UBLCP1: variants seen among roughly 807,000 people sequenced by gnomAD.
The protein encoded by UBLCP1 is ubiquitin like domain containing CTD phosphatase 1, also known as ubiquitin-like domain-containing CTD phosphatase 1.
UBLCP1 carries 28 observed loss-of-function variants against 42.4 expected under a neutral mutation model. The ratio of observed to expected loss-of-function variants is 0.66; its 90% CI spans 0.49 to 0.90. The LOEUF is 0.90. Ranked by LOEUF, UBLCP1 falls within the 40% of genes least tolerant of loss-of-function variation. UBLCP1 has a pLI of 0.00. For synonymous variants in UBLCP1, 122 were observed against 120.8 expected, an observed-to-expected ratio of 1.01 and a Z score of -0.07; for missense variants, 279 against 374.5, an observed-to-expected ratio of 0.75 and a Z score of 2.10.
intron 9 of UBLCP1, among the ~76,000 whole-genome samples, chr5:159,281,463 A>G (rs1462282470): frequency 6.6e-6 from 1 of 152,140 alleles, no homozygotes; most frequent in Non-Finnish European, 1.5e-5. Flanking sequence ...CAGCCCCCAC[A>G]TTCACTGCTG....
intron 9 of UBLCP1, among the ~76,000 whole-genome samples, chr5:159,278,859 A>G (rs891468489): frequency 6.6e-6 from 1 of 152,162 alleles, no homozygotes; most frequent in Non-Finnish European, 1.5e-5. Context: ...GGCATGAGCC[A>G]CTGCGCCCGG....
intron 1 of UBLCP1, among the ~76,000 whole-genome samples, chr5:159,265,112 G>A (rs548389215): frequency 3.9e-5 from 6 of 152,250 alleles, no homozygotes; most frequent in Admixed American, 2.6e-4. Context: ...AGAACACATT[G>A]TAAACATAGG....
At chr5:159,264,465 C>T in intron 1 of UBLCP1, among the ~76,000 whole-genome samples, 1 of 152,220 alleles carries the variant, frequency 6.6e-6, no homozygotes, top group Non-Finnish European at 1.5e-5. Flanking sequence ...TTAAACAAAT[C>T]TTAAAGACAT....
At chr5:159,265,398 G>A (rs539420022) in intron 1 of UBLCP1, among the ~76,000 whole-genome samples, 1 of 152,216 alleles carries the variant, frequency 6.6e-6, no homozygotes, top group Non-Finnish European at 1.5e-5. Flanking sequence ...GGAGGAATGA[G>A]TTTAATGAAA....
In UBLCP1 at chr5:159,272,241, A is replaced by C. The variant is rs533831242; in HGVS notation, c.547+120A>C. 25 of 797,660 alleles carry C rather than the reference A, an allele frequency of 3.1e-5. No homozygotes were observed. In the South Asian group the frequency reaches 4.7e-4, roughly 15 times the overall value. The allele number at this position is 797,660 out of a possible 1,614,324, so 49.4% of individuals were successfully genotyped here. ...AAATATGAAATAGTTTTCATTTTTT[A>C]GCAAATTTCTAAAATGAAGCATGTA... On this transcript the variant is annotated intron_variant, in intron 6 of 10. Transcript: ENST00000296786.
intron 6 of UBLCP1, among the ~76,000 whole-genome samples, chr5:159,272,616 TC>T (rs1398037940): frequency 1.3e-5 from 2 of 152,208 alleles, no homozygotes; most frequent in African/African-American, 4.8e-5. Context: ...TCTCCTTTTT[TC>T]CTGACTCCAG....
chr5:159,275,818 C>T (rs549353093), intron 8 of UBLCP1, among the ~76,000 whole-genome samples: 2 of 152,202 alleles, frequency 1.3e-5, no homozygotes, highest in African/African-American at 2.4e-5. Context: ...GATGACAGCA[C>T]AATGTTACTG....
At chr5:159,265,969 C>T (rs189709356) in intron 1 of UBLCP1, among the ~76,000 whole-genome samples, 209 of 152,286 alleles carry the variant, frequency 1.4e-3, no homozygotes, top group African/African-American at 4.8e-3. Flanking sequence ...CAGGCATGAG[C>T]CACTGTGGCC....
At chr5:159,278,483 T>C (rs1375790168) in intron 9 of UBLCP1, 129 bp downstream of exon 9, 10 of 725,872 alleles carry the variant, frequency 1.4e-5, no homozygotes, top group Non-Finnish European at 2.5e-5. Flanking sequence ...GCGAGAAAAG[T>C]TTAAGAATAA....
chr5:159,267,958 T>G (rs550394537), intron 1 of UBLCP1, among the ~76,000 whole-genome samples: 1 of 152,330 alleles, frequency 6.6e-6, no homozygotes, highest in East Asian at 1.9e-4. Context: ...ACTAATACAC[T>G]GATCTTTGAT....
At position 159,275,201 on chromosome 5, in the gene UBLCP1, T is replaced by C. The variant is rs1326873742; in HGVS notation, c.639T>C (p.Ser213=). ...ATAAGATTACTTTCATGTTGGATAG[T>C]GCTGCTATGATAACAGTACATACTC... ...ANYKITFMLD[S]AAMITVHTPR... is the part of the protein sequence containing the mutation. The change falls in exon 8 of 11, where the codon AGT becomes AGC. Residue 213 remains serine (S), a synonymous_variant. Coordinates refer to ENST00000296786, the MANE Select transcript of UBLCP1 (RefSeq NM_145049.5). 3.1e-6 allele frequency: 5 copies of C among 1,613,294 alleles called. No homozygotes were observed. The highest frequency in any genetic ancestry group is 1.1e-5 in the South Asian group (1 of 91,066).
At chr5:159,273,834 T>TCACACACACA (rs34999232) in intron 6 of UBLCP1, among the ~76,000 whole-genome samples, 73 of 148,686 alleles carry the variant, frequency 4.9e-4, no homozygotes, top group East Asian at 3.4e-3. Context: ...CTTTTAAAAA[T>TCACACACACA]CACACACACA....
chr5:159,263,741 C>T (rs1254363282), intron 1 of UBLCP1, among the ~76,000 whole-genome samples: 2 of 152,262 alleles, frequency 1.3e-5, no homozygotes, highest in Non-Finnish European at 2.9e-5. Context: ...GCCCCCGACC[C>T]TGCACCACCT....
chr5:159,270,938 G>T, intron 5 of UBLCP1, among the ~76,000 whole-genome samples: 1 of 142,896 alleles, frequency 7.0e-6, no homozygotes. Flanking sequence ...CATCTTCTCA[G>T]TAAAATATTG....
chr5:159,278,099 A>C (rs1753559153), intron 8 of UBLCP1, 139 bp from the exon 9 acceptor site: 2 of 594,388 alleles, frequency 3.4e-6, no homozygotes, highest in South Asian at 4.3e-5. Flanking sequence ...GGTTGCATTT[A>C]ATGATTAGCT....
At chr5:159,270,699 C>A in intron 5 of UBLCP1, 56 bp downstream of exon 5, 4 of 1,096,778 alleles carry the variant, frequency 3.6e-6, no homozygotes, top group South Asian at 4.0e-5. Context: ...CTCTTTTTTT[C>A]TTTTCTTTGT....
Position 159,284,906 on chromosome 5 carries a change from ATCTC to A in UBLCP1, c.935_938del (p.Leu312GlnfsTer143). ...CATCTTTATTTTATTTCTTGCAGAT[ATCTC>A]TCAAAGAAGCAAGGACAGTAGTTAC... is the stretch of plus-strand genomic sequence containing the variant. On this transcript the variant is annotated frameshift_variant, in exon 11 of 11. Coordinates refer to ENST00000296786, the MANE Select transcript of UBLCP1 (RefSeq NM_145049.5). LOFTEE classifies it high-confidence loss of function. 2 of 1,613,106 alleles carry A rather than the reference ATCTC, an allele frequency of 1.2e-6. No homozygotes were observed. The highest frequency in any genetic ancestry group is 1.7e-6 in the Non-Finnish European group (2 of 1,179,454).
At chr5:159,268,514 A>G (rs1012440023) in intron 1 of UBLCP1, among the ~76,000 whole-genome samples, 4 of 152,214 alleles carry the variant, frequency 2.6e-5, no homozygotes, top group African/African-American at 9.6e-5. Context: ...ACTACACCAC[A>G]CTACCTTTCA....
chr5:159,270,366 G>A lies in UBLCP1; in HGVS notation c.253G>A (p.Val85Ile). 1 of 1,612,770 alleles carries A rather than the reference G, an allele frequency of 6.2e-7. No individual in the cohort carries two copies. The highest frequency in any genetic ancestry group is 8.5e-7 in the Non-Finnish European group (1 of 1,179,328). Reference sequence around the variant, plus strand: ...ACTTTTTCCATCTTAATAGGAAGATGTCTTAGGTCCACCCCCTGACAATGA... The same window carrying A: ...ACTTTTTCCATCTTAATAGGAAGATATCTTAGGTCCACCCCCTGACAATGA... Reference protein sequence around the residue: ...MGTREESLEDVLGPPPDNDDV... With the variant: ...MGTREESLEDILGPPPDNDDV... The change falls in exon 4 of 11, where the codon GTC becomes ATC. Residue 85 changes from valine to isoleucine, a missense_variant. By Grantham distance (29) the Val-to-Ile change is conservative. Transcript: ENST00000296786.
Sources: gnomAD v4.1 joint callset for allele counts (sites outside exome capture counted in the v4.1 genomes callset) on GRCh38, gnomAD v4.1.1 for gene constraint, MANE v1.5 for transcripts, NCBI Gene and HGNC (gene_info 2026-07-23, HGNC 2026-07-21) for gene names.